PREX1: variants seen among roughly 807,000 people sequenced by gnomAD.
The protein encoded by PREX1 is phosphatidylinositol 3,4,5-trisphosphate-dependent Rac exchanger 1 protein.
PREX1 carries 41 observed loss-of-function variants against 198.3 expected under a neutral mutation model. The ratio of observed to expected loss-of-function variants is 0.21; its 90% CI spans 0.16 to 0.27. The LOEUF is 0.27. Ranked by LOEUF, PREX1 falls within the 10% of genes least tolerant of loss-of-function variation. PREX1 has a pLI of 1.00. For missense variants in PREX1, 1,620 were observed against 2,200.7 expected (o/e 0.74, Z 5.28); for synonymous variants, 843 against 887.2 (o/e 0.95, Z 0.89).
chr20:48,842,634 T>C, the PREX1 span, among the ~76,000 whole-genome samples: 1 of 150,984 alleles, frequency 6.6e-6, no homozygotes, highest in East Asian at 1.9e-4. Context: ...CGTGTCTCCA[T>C]CCTTATCATA....
chr20:48,742,861 C>T (rs964098414), intron 3 of PREX1, among the ~76,000 whole-genome samples: 1 of 152,156 alleles, frequency 6.6e-6, no homozygotes, highest in African/African-American at 2.4e-5. Flanking sequence ...CACTTCCCCA[C>T]AGCCTCTGGG....
At chr20:48,668,693 G>A (rs1046022979) in intron 14 of PREX1, among the ~76,000 whole-genome samples, 3 of 152,196 alleles carry the variant, frequency 2.0e-5, no homozygotes, top group African/African-American at 7.2e-5. Flanking sequence ...TGCCCTGGCT[G>A]ACTCCATAAA....
chr20:48,711,789 T>A (rs886890957), intron 5 of PREX1, among the ~76,000 whole-genome samples: 3 of 152,204 alleles, frequency 2.0e-5, no homozygotes, highest in Non-Finnish European at 4.4e-5. Flanking sequence ...GCACCTGGAA[T>A]AAAGGCCACA....
intron 17 of PREX1, 32 bp downstream of exon 17, chr20:48,658,104 A>G (rs755711319): frequency 6.3e-7 from 1 of 1,597,816 alleles, no homozygotes; most frequent in South Asian, 1.1e-5. Context: ...CCACCTGCAC[A>G]CGGTCCCTGC....
intron 1 of PREX1, among the ~76,000 whole-genome samples, chr20:48,775,139 C>T (rs913674766): frequency 7.2e-5 from 11 of 152,148 alleles, no homozygotes; most frequent in African/African-American, 2.4e-4. Flanking sequence ...CGGCAAATGA[C>T]GCATGTAGCA....
chr20:48,723,959 C>T lies in PREX1; in HGVS notation c.621+2331G>A, dbSNP rs190384459. Among the ~76,000 whole-genome samples the T allele has an allele frequency of 1.7e-3, 254 of 152,306 alleles. 2 individuals carry two copies. Among genetic ancestry groups the T allele is most frequent in the African/African-American group, 5.3e-3 (219 of 41,556 alleles). On this transcript the variant is annotated intron_variant, in intron 5 of 39. Coordinates refer to ENST00000371941, the MANE Select transcript of PREX1 (RefSeq NM_020820.4). Reference sequence around the variant, plus strand: ...ATCCAGAAACCAAACCTCAGTTCAGCTCTGGGCCATGGCTGCTGGTTCTTC... The same window carrying T: ...ATCCAGAAACCAAACCTCAGTTCAGTTCTGGGCCATGGCTGCTGGTTCTTC...
intron 19 of PREX1, among the ~76,000 whole-genome samples, chr20:48,653,834 G>A (rs566252047): frequency 3.5e-4 from 54 of 152,352 alleles, no homozygotes; most frequent in Non-Finnish European, 6.5e-4. Context: ...GGCAGAAAGC[G>A]TGATGGGCTC....
intron 6 of PREX1, among the ~76,000 whole-genome samples, chr20:48,702,358 GA>G (rs2089879790): frequency 6.6e-6 from 1 of 152,196 alleles, no homozygotes; most frequent in South Asian, 2.1e-4. Flanking sequence ...AAAGAGAGAA[GA>G]AAAGAGACCT....
chr20:48,714,601 T>C (rs772500156), intron 5 of PREX1, among the ~76,000 whole-genome samples: 1 of 152,090 alleles, frequency 6.6e-6, no homozygotes, highest in Non-Finnish European at 1.5e-5. Context: ...ATCCAAAACA[T>C]GAATAACAAC....
intron 12 of PREX1, 26 bp from the exon 13 acceptor site, chr20:48,679,435 T>C: frequency 1.2e-6 from 2 of 1,608,698 alleles, no homozygotes; most frequent in Non-Finnish European, 1.7e-6. Context: ...GGAGGAATTC[T>C]GGGATCAGGC....
chr20:48,709,167 G>C (rs932745176), intron 5 of PREX1, among the ~76,000 whole-genome samples: 2 of 152,158 alleles, frequency 1.3e-5, no homozygotes, highest in African/African-American at 2.4e-5. Flanking sequence ...TGGGACTTGA[G>C]ATATCAAGGA....
At chr20:48,745,929 T>G (rs1025744174) in intron 2 of PREX1, among the ~76,000 whole-genome samples, 6 of 152,246 alleles carry the variant, frequency 3.9e-5, no homozygotes, top group Non-Finnish European at 7.3e-5. Context: ...CTTCCTGCAA[T>G]GTACAGGACA....
the PREX1 span, among the ~76,000 whole-genome samples, chr20:48,866,393 C>T: frequency 6.6e-6 from 1 of 152,116 alleles, no homozygotes; most frequent in Admixed American, 6.5e-5. Context: ...TGGGCATTGT[C>T]TGGGAAACTG....
chr20:48,629,646 G>A (rs547468548), intron 36 of PREX1, 25 bp from the exon 37 acceptor site: 36 of 1,608,204 alleles, frequency 2.2e-5, no homozygotes, highest in South Asian at 4.4e-5. Flanking sequence ...ACACATAACC[G>A]GGGAGTTGGA....
intron 9 of PREX1, among the ~76,000 whole-genome samples, chr20:48,689,345 A>G (rs1052154989): frequency 1.3e-5 from 2 of 152,234 alleles, no homozygotes; most frequent in East Asian, 1.9e-4. Flanking sequence ...AGTACGCCAC[A>G]TGAGAAACCC....
chr20:48,730,764 G>A lies in PREX1; in HGVS notation c.519+3782C>T, dbSNP rs188175182. ...ACTCCCAGCACTTTGGGAGGCCAAA[G>A]AGGGAGGATTGCTTTAGCCCAGGAG... On this transcript the variant is annotated intron_variant, in intron 4 of 39. Coordinates refer to ENST00000371941, the MANE Select transcript of PREX1 (RefSeq NM_020820.4). Among the ~76,000 whole-genome samples the A allele has an allele frequency of 8.7e-4, 133 of 152,232 alleles. 1 individual carries two copies. Among genetic ancestry groups the A allele is most frequent in the African/African-American group, 2.9e-3 (120 of 41,542 alleles).
At chr20:48,840,344 AAAAAAAAAAAG>A in the PREX1 span, among the ~76,000 whole-genome samples, 913 of 149,900 alleles carry the variant, frequency 6.1e-3, 5 homozygotes, top group African/African-American at 0.022. Flanking sequence ...TTAACCAAAA[AAAAAAAAAAAG>A]AAAAAAAAAA....
chr20:48,762,277 C>T (rs1336294983), intron 1 of PREX1, among the ~76,000 whole-genome samples: 1 of 152,104 alleles, frequency 6.6e-6, no homozygotes, highest in Non-Finnish European at 1.5e-5. Flanking sequence ...TGATTTTTTT[C>T]CTGAAAAATG....
the PREX1 span, among the ~76,000 whole-genome samples, chr20:48,839,112 T>C: frequency 6.6e-6 from 1 of 152,002 alleles, no homozygotes; most frequent in African/African-American, 2.4e-5. Flanking sequence ...TTTTTCACAT[T>C]TCCCCAATTT....
Sources: allele counts gnomAD v4.1 joint callset (sites outside exome capture counted in the v4.1 genomes callset), GRCh38; gene constraint gnomAD v4.1.1; transcripts MANE v1.5; gene names NCBI Gene and HGNC (gene_info 2026-07-23, HGNC 2026-07-21).